PITPNM2: variants seen among roughly 807,000 people sequenced by gnomAD.
PITPNM2 encodes the protein membrane-associated phosphatidylinositol transfer protein 2.
A neutral mutation model predicts 132.2 loss-of-function variants in PITPNM2; 35 were observed. The ratio of observed to expected loss-of-function variants is 0.26; its 90% CI spans 0.20 to 0.35. The LOEUF (loss-of-function observed/expected upper bound fraction) is 0.35, where lower values mean the gene tolerates loss of function less well. Ranked by LOEUF, PITPNM2 falls within the 10% of genes least tolerant of loss-of-function variation. The pLI, the probability that PITPNM2 is intolerant of heterozygous loss-of-function variation, is 1.00. For synonymous variants in PITPNM2, 738 were observed against 799.2 expected, an observed-to-expected ratio of 0.92 and a Z score of 1.29; for missense variants, 1,332 against 1,912.0, an observed-to-expected ratio of 0.70 and a Z score of 5.66.
At chr12:123,107,934 C>A (rs1032046903) in intron 2 of PITPNM2, among the ~76,000 whole-genome samples, 12 of 152,122 alleles carry the variant, frequency 7.9e-5, no homozygotes, top group African/African-American at 2.9e-4. Flanking sequence ...AGCAGTATGC[C>A]GTGACAGCAC....
chr12:123,039,498 G>A (rs555273236), intron 2 of PITPNM2, among the ~76,000 whole-genome samples: 3 of 152,248 alleles, frequency 2.0e-5, no homozygotes, highest in Admixed American at 6.5e-5. Flanking sequence ...TAGAAATATC[G>A]TTTCCTCAAC....
At chr12:123,102,058 G>A (rs1005837187) in intron 2 of PITPNM2, among the ~76,000 whole-genome samples, 2 of 152,130 alleles carry the variant, frequency 1.3e-5, no homozygotes, top group Non-Finnish European at 2.9e-5. Flanking sequence ...CTAATTTGTA[G>A]GCACAACCTA....
rs199848793 is a variant in PITPNM2, at chr12:122,986,723, C to T, written c.3520G>A (p.Val1174Met). 1.5e-5 allele frequency: 25 copies of T among 1,613,552 alleles called. No individual in the cohort carries two copies. In the Admixed American group the frequency reaches 2.7e-4, roughly 17 times the overall value. The change falls in exon 24 of 26, where the codon GTG (valine) becomes ATG (methionine). Residue 1174 changes from valine (V) to methionine (M), a missense_variant. Transcript: ENST00000320201. ...WLAQHNFPHGVVSFCDGLVHD... is the reference protein window; with the variant it reads ...WLAQHNFPHGMVSFCDGLVHD... ...ACCAGGCCGTCACAGAAGGACACCA[C>T]GCCATGGGGGAAGTTGTGCTGGGCC...
In PITPNM2 at chr12:122,987,288, C is replaced by A; in HGVS notation, c.3406G>T (p.Val1136Leu). 6.2e-7 allele frequency: 1 copy of A among 1,611,576 alleles called. No homozygotes were observed. Among genetic ancestry groups the A allele is most frequent in the Non-Finnish European group, 8.5e-7 (1 of 1,179,976 alleles). Residue 1136 changes from valine (V) to leucine (L), a missense_variant, in exon 23 of 26, where the codon GTG (valine) becomes TTG (leucine). Physicochemically the swap from Val to Leu is conservative, Grantham distance 32 (BLOSUM62 1). Around this residue, in one of 6 missense-constraint regions of PITPNM2, gnomAD observed 251 missense variants for 472.0 expected, o/e 0.53. Coordinates refer to ENST00000320201, the MANE Select transcript of PITPNM2 (RefSeq NM_020845.3). The stretch of plus-strand genomic sequence containing the variant: ...CCCCTCTGGGCCACTCACCGCACCA[C>A]GTCCACGGCCCCGGCCCGCACCTTG... ...DPKVRAGAVDVVRHWQDLGYL... is the reference protein window; with the variant it reads ...DPKVRAGAVDLVRHWQDLGYL...
Position 122,987,552 on chromosome 12 carries a change from G to A in PITPNM2, c.3222C>T (p.His1074=). Reference sequence around the variant, plus strand: ...TAGGGTAGACACCCACGCCCAGGCGGTGCGACTCAGGGATGGTGTAGGAGA... The same window carrying A: ...TAGGGTAGACACCCACGCCCAGGCGATGCGACTCAGGGATGGTGTAGGAGA... The part of the protein sequence containing the change: ...GRVSYTIPES[H]RLGVGVYPIK... Residue 1074 remains histidine (H), a synonymous_variant, in exon 22 of 26, where the codon CAC becomes CAT. Transcript: ENST00000320201. The A allele has an allele frequency of 6.2e-7, 1 of 1,613,888 alleles. No individual in the cohort carries two copies. Among genetic ancestry groups the A allele is most frequent in the Non-Finnish European group, 8.5e-7 (1 of 1,179,952 alleles).
At chr12:123,139,541 T>C (rs1266315446) in intron 1 of PITPNM2, among the ~76,000 whole-genome samples, 1 of 151,480 alleles carries the variant, frequency 6.6e-6, no homozygotes, top group East Asian at 1.9e-4. Context: ...CATCTCTGCC[T>C]TCTTTCCTGC....
chr12:123,113,825 T>C (rs1319301646), intron 1 of PITPNM2, among the ~76,000 whole-genome samples: 3 of 152,134 alleles, frequency 2.0e-5, no homozygotes, highest in Non-Finnish European at 4.4e-5. Context: ...AAAAGAAAAC[T>C]TGTACACATA....
intron 6 of PITPNM2, among the ~76,000 whole-genome samples, chr12:123,006,649 G>A (rs2038944924): frequency 6.6e-6 from 1 of 150,884 alleles, no homozygotes; most frequent in Admixed American, 6.6e-5. Context: ...GGAGTTTAAG[G>A]CTGCAGCGAG....
intron 1 of PITPNM2, among the ~76,000 whole-genome samples, chr12:123,122,492 C>T (rs183696051): frequency 1.3e-5 from 2 of 152,206 alleles, no homozygotes; most frequent in East Asian, 3.9e-4. Context: ...GAAATGACGT[C>T]AACTTACAGA....
chr12:123,079,672 G>C (rs958497901), intron 2 of PITPNM2, among the ~76,000 whole-genome samples: 5 of 152,262 alleles, frequency 3.3e-5, no homozygotes, highest in Non-Finnish European at 7.4e-5. Context: ...TATGATGAAA[G>C]TGTTCAAGCA....
Position 122,993,965 on chromosome 12 carries a change from C to T in PITPNM2, c.2233+836G>A, listed in dbSNP as rs2038308648. ...CTTGGCTCACCGCAACCTCCGCCCTCCCGTGTTCAGGCGATTCTCCTGCCT... is the reference window on the plus strand; with the variant it reads ...CTTGGCTCACCGCAACCTCCGCCCTTCCGTGTTCAGGCGATTCTCCTGCCT... On this transcript the variant is annotated intron_variant, in intron 15 of 25. Transcript: ENST00000320201. This position sits in a 1 kb window ranked among gnomAD's most constrained non-coding sequence, Gnocchi z 5.2. Among the ~76,000 whole-genome samples the T allele has an allele frequency of 1.3e-5, 2 of 152,116 alleles. No individual in the cohort carries two copies. Among genetic ancestry groups the T allele is most frequent in the African/African-American group, 4.8e-5 (2 of 41,400 alleles).
intron 1 of PITPNM2, among the ~76,000 whole-genome samples, chr12:123,143,708 G>C (rs1024068064): frequency 7.2e-5 from 11 of 152,208 alleles, no homozygotes; most frequent in Admixed American, 5.2e-4. Flanking sequence ...CTGCATGAAA[G>C]TACAGGGTCC....
At chr12:123,137,412 C>T (rs1409684910) in intron 1 of PITPNM2, among the ~76,000 whole-genome samples, 1 of 152,118 alleles carries the variant, frequency 6.6e-6, no homozygotes, top group Non-Finnish European at 1.5e-5. Context: ...GAAGGCTGTG[C>T]CCTACCAACC....
At position 122,994,658 on chromosome 12, in the gene PITPNM2, A is replaced by G; in HGVS notation, c.2233+143T>C. On this transcript the variant is annotated intron_variant, in intron 15 of 25. Transcript: ENST00000320201. The surrounding 1 kb of genome is among the most constrained non-coding windows in gnomAD (Gnocchi z 5.4). ...TGCTGAAGCAGGAGCAGAGGATAGC[A>G]AGGGGCCCTTGGTGGGGAAGACAGG... The G allele has an allele frequency of 1.1e-6, 1 of 939,896 alleles. No homozygotes were observed. The highest frequency in any genetic ancestry group is 1.8e-5 in the South Asian group (1 of 55,212). 58.2% of individuals were successfully genotyped at this position (939,896 alleles called of 1,614,324 possible).
At chr12:123,138,120 G>A (rs2043422360) in intron 1 of PITPNM2, among the ~76,000 whole-genome samples, 1 of 152,018 alleles carries the variant, frequency 6.6e-6, no homozygotes, top group South Asian at 2.1e-4. Context: ...AGAAAATGTG[G>A]TGTATGCCTA....
Position 122,995,899 on chromosome 12 carries a change from AG to A in PITPNM2, c.1783-240del, listed in dbSNP as rs536100749. 1.5e-3 allele frequency among the ~76,000 whole-genome samples: 228 copies of A among 152,294 alleles called. 1 individual carries two copies. The highest frequency in any genetic ancestry group is 5.0e-3 in the African/African-American group (209 of 41,570). ...ATGCAGCAGAGGCAGGGAAGCAGAG[AG>A]GGGTCGCCCATCCCACCTCCTAGGA... is the stretch of plus-strand genomic sequence containing the variant. On this transcript the variant is annotated intron_variant, in intron 13 of 25. Coordinates refer to ENST00000320201, the MANE Select transcript of PITPNM2 (RefSeq NM_020845.3).
chr12:123,016,802 T>C (rs1021296201), intron 3 of PITPNM2, among the ~76,000 whole-genome samples: 1 of 152,028 alleles, frequency 6.6e-6, no homozygotes, highest in African/African-American at 2.4e-5. Context: ...GCCTAGCACT[T>C]TGGGAGGCTG....
At chr12:123,146,912 C>T (rs1212075266) in intron 1 of PITPNM2, among the ~76,000 whole-genome samples, 1 of 152,200 alleles carries the variant, frequency 6.6e-6, no homozygotes, top group Non-Finnish European at 1.5e-5. Context: ...CTCTCATCCT[C>T]AACAGGGTGC....
chr12:123,074,891 G>A (rs1375575365), intron 2 of PITPNM2, among the ~76,000 whole-genome samples: 1 of 152,242 alleles, frequency 6.6e-6, no homozygotes, highest in Non-Finnish European at 1.5e-5. Flanking sequence ...TCTCACTCAG[G>A]TGAGACACTG....
Sources: allele counts gnomAD v4.1 joint callset (sites outside exome capture counted in the v4.1 genomes callset), GRCh38; gene constraint gnomAD v4.1.1; regional missense constraint gnomAD v4.1.1; non-coding constraint Gnocchi (gnomAD v3.1); transcripts MANE v1.5; gene names NCBI Gene and HGNC (gene_info 2026-07-23, HGNC 2026-07-21).